Variants in PPFIA2 observed in about 807,000 individuals in gnomAD.
PPFIA2 encodes PPFI scaffold protein A2, also known as liprin-alpha-2.
A neutral mutation model predicts 175.5 loss-of-function variants in PPFIA2; 46 were observed. The ratio of observed to expected loss-of-function variants is 0.26; its 90% CI spans 0.21 to 0.34. The LOEUF (loss-of-function observed/expected upper bound fraction) is 0.34. PPFIA2 is among the 10% of genes least tolerant of loss of function. The probability of loss-of-function intolerance (pLI) is 1.00; values close to 1 mark genes in which losing one functional copy is unlikely to be tolerated. For missense variants in PPFIA2, 1,179 were observed against 1,506.1 expected (o/e 0.78, Z 3.60); for synonymous variants, 568 against 511.4 (o/e 1.11, Z -1.49).
intron 4 of PPFIA2, among the ~76,000 whole-genome samples, chr12:81,513,800 T>C (rs534450745): frequency 1.4e-4 from 21 of 152,142 alleles, no homozygotes; most frequent in South Asian, 4.1e-4. Context: ...CTGAAGATCA[T>C]TGTCATAAGA....
At chr12:81,422,088 G>GTA (rs1421754345) in intron 7 of PPFIA2, among the ~76,000 whole-genome samples, 1 of 123,614 alleles carries the variant, frequency 8.1e-6, no homozygotes, top group East Asian at 2.3e-4. Flanking sequence ...ATATATATGT[G>GTA]TATATATATG....
Position 81,258,084 on chromosome 12 carries a change from C to T in PPFIA2, c.*1610G>A, listed in dbSNP as rs1312105151. ...AGAAAGCTACTTCTCATTGTTCCTACTCAGGCCACATTTTTAGAAAAAAAT... is the reference window on the plus strand; with the variant it reads ...AGAAAGCTACTTCTCATTGTTCCTATTCAGGCCACATTTTTAGAAAAAAAT... On this transcript the variant is annotated 3_prime_UTR_variant, in exon 33 of 33. Coordinates refer to ENST00000549396, the MANE Select transcript of PPFIA2 (RefSeq NM_003625.5). The T allele has an allele frequency of 6.6e-6, 1 of 152,032 alleles. No homozygotes were observed. The highest frequency in any genetic ancestry group is 2.4e-5 in the African/African-American group (1 of 41,426). 9.4% of individuals were successfully genotyped at this position (152,032 alleles called of 1,614,324 possible).
intron 22 of PPFIA2, among the ~76,000 whole-genome samples, chr12:81,304,467 GAT>G (rs758365995): frequency 3.9e-5 from 6 of 152,198 alleles, no homozygotes; most frequent in Admixed American, 2.0e-4. Flanking sequence ...TTGAGCCATT[GAT>G]ATGTGTTCTA....
At chr12:81,515,118 T>C (rs1401091382) in intron 4 of PPFIA2, among the ~76,000 whole-genome samples, 12 of 152,000 alleles carry the variant, frequency 7.9e-5, no homozygotes, top group African/African-American at 4.8e-5. Flanking sequence ...AAAATGAAGA[T>C]ACATAAAATC....
chr12:81,480,500 T>G (rs1193336962), intron 4 of PPFIA2, among the ~76,000 whole-genome samples: 1 of 152,212 alleles, frequency 6.6e-6, no homozygotes, highest in African/African-American at 2.4e-5. Context: ...ATATTGGTTT[T>G]GGGAATATTC....
At chr12:81,309,976 A>G (rs528387977) in intron 22 of PPFIA2, among the ~76,000 whole-genome samples, 4 of 152,214 alleles carry the variant, frequency 2.6e-5, no homozygotes, top group African/African-American at 9.6e-5. Context: ...CTTTTGCAAG[A>G]CACCATAGTC....
At chr12:81,662,482 C>T (rs1480460870) in intron 4 of PPFIA2, among the ~76,000 whole-genome samples, 5 of 151,988 alleles carry the variant, frequency 3.3e-5, no homozygotes, top group Non-Finnish European at 1.5e-5. Flanking sequence ...ACACATACAC[C>T]CTCCCAAGAC....
At chr12:81,340,226 A>G (rs1230589953) in intron 20 of PPFIA2, among the ~76,000 whole-genome samples, 2 of 152,112 alleles carry the variant, frequency 1.3e-5, no homozygotes, top group Non-Finnish European at 2.9e-5. Context: ...TTTCCACATT[A>G]ACAACAAAAA....
chr12:81,366,743 C>A (rs1030246445), intron 14 of PPFIA2, among the ~76,000 whole-genome samples: 1 of 151,668 alleles, frequency 6.6e-6, no homozygotes, highest in African/African-American at 2.4e-5. Context: ...GAAAGAATAT[C>A]TAAAACTGAC....
intron 4 of PPFIA2, among the ~76,000 whole-genome samples, chr12:81,588,348 C>T (rs2075574980): frequency 6.6e-6 from 1 of 151,972 alleles, no homozygotes; most frequent in East Asian, 1.9e-4. Flanking sequence ...CAAGCACACA[C>T]ACTCAAAATA....
intron 5 of PPFIA2, among the ~76,000 whole-genome samples, chr12:81,453,460 A>C (rs2053028479): frequency 6.6e-6 from 1 of 152,082 alleles, no homozygotes; most frequent in Non-Finnish European, 1.5e-5. Flanking sequence ...TTTGAGTTGA[A>C]ATAACATCAG....
At chr12:81,572,667 C>T (rs1324241923) in intron 4 of PPFIA2, among the ~76,000 whole-genome samples, 1 of 151,980 alleles carries the variant, frequency 6.6e-6, no homozygotes, top group African/African-American at 2.4e-5. Flanking sequence ...GAGTTATGCC[C>T]AATGAGCACT....
chr12:81,467,351 G>A, intron 4 of PPFIA2, among the ~76,000 whole-genome samples: 1 of 152,092 alleles, frequency 6.6e-6, no homozygotes, highest in East Asian at 1.9e-4. Flanking sequence ...GAGCCTATGA[G>A]GAAATTCTCT....
chr12:81,290,912 T>A (rs1296590026), intron 24 of PPFIA2, among the ~76,000 whole-genome samples: 1 of 151,774 alleles, frequency 6.6e-6, no homozygotes, highest in Non-Finnish European at 1.5e-5. Flanking sequence ...ATACTAGGAA[T>A]TTGATTAAAT....
At chr12:81,683,868 G>C (rs1392482394) in intron 3 of PPFIA2, among the ~76,000 whole-genome samples, 3 of 152,072 alleles carry the variant, frequency 2.0e-5, no homozygotes, top group Non-Finnish European at 4.4e-5. Flanking sequence ...AGGGCCTTAG[G>C]CTGCCCCCAC....
intron 4 of PPFIA2, among the ~76,000 whole-genome samples, chr12:81,577,609 A>G (rs116088068): frequency 0.02 from 3,106 of 151,992 alleles, 119 homozygotes; most frequent in African/African-American, 0.071. Flanking sequence ...TGAATGTGAA[A>G]GATATTGATG....
At chr12:81,437,375 A>G (rs1001905573) in intron 7 of PPFIA2, among the ~76,000 whole-genome samples, 47 of 151,376 alleles carry the variant, frequency 3.1e-4, no homozygotes, top group Middle Eastern at 3.5e-3. Flanking sequence ...GACTACAGGC[A>G]CCCGCCACCA....
At chr12:81,756,311 A>C (rs2084652775) in intron 2 of PPFIA2, among the ~76,000 whole-genome samples, 1 of 152,122 alleles carries the variant, frequency 6.6e-6, no homozygotes, top group Admixed American at 6.5e-5. Flanking sequence ...GAAAGTTATT[A>C]ATCCCTTTCC....
intron 4 of PPFIA2, among the ~76,000 whole-genome samples, chr12:81,491,209 TTTTG>T (rs2059381560): frequency 1.4e-5 from 1 of 72,380 alleles, no homozygotes; most frequent in African/African-American, 9.1e-5. Flanking sequence ...GAATTACTTT[TTTTG>T]TTTTTTTGCT....
Sources: allele counts gnomAD v4.1 joint callset (sites outside exome capture counted in the v4.1 genomes callset), GRCh38; gene constraint gnomAD v4.1.1; transcripts MANE v1.5; gene names NCBI Gene and HGNC (gene_info 2026-07-23, HGNC 2026-07-21).